LRP1: variants seen among roughly 807,000 people sequenced by gnomAD.
LRP1 encodes LDL receptor related protein 1, also known as prolow-density lipoprotein receptor-related protein 1.
In LRP1, 51 loss-of-function variants were observed where a neutral mutation model predicts 541.5. The ratio of observed to expected loss-of-function variants is 0.09; its 90% CI spans 0.08 to 0.12. LRP1 has a LOEUF of 0.12. Among genes scored for constraint, LRP1 ranks in the 10% least tolerant of loss-of-function variants. LRP1 has a pLI of 1.00. For missense variants in LRP1, 3,878 were observed against 6,376.2 expected, an observed-to-expected ratio of 0.61 and a Z score of 13.34; for synonymous variants, 2,219 against 2,470.8, an observed-to-expected ratio of 0.90 and a Z score of 3.02.
At position 57,200,002 on chromosome 12, in the gene LRP1, G is replaced by A; in HGVS notation, c.9991G>A (p.Val3331Met). Residue 3331 changes from valine to methionine, a missense_variant, in exon 62 of 89, where the codon GTG becomes ATG. Around this residue, in one of 13 missense-constraint regions of LRP1, gnomAD observed 278 missense variants for 536.3 expected, o/e 0.52. Coordinates refer to ENST00000243077, the MANE Select transcript of LRP1 (RefSeq NM_002332.3). ...FYLGSDGRTC[V>M]SNCTASQFVC... is the part of the protein sequence containing the mutation. ...CCTGGGCAGCGATGGGCGCACCTGTGTGTCCAACTGCACGGCTAGCCAGGT... is the reference window on the plus strand; with the variant it reads ...CCTGGGCAGCGATGGGCGCACCTGTATGTCCAACTGCACGGCTAGCCAGGT... 6.3e-7 allele frequency: 1 copy of A among 1,595,246 alleles called. No homozygotes were observed. The highest frequency in any genetic ancestry group is 8.5e-7 in the Non-Finnish European group (1 of 1,174,400).
chr12:57,137,109 C>G (rs536790042), intron 1 of LRP1, among the ~76,000 whole-genome samples: 1 of 151,888 alleles, frequency 6.6e-6, no homozygotes. Context: ...TGCGTGGTGG[C>G]GCATGCCTGT....
chr12:57,140,504 G>C (rs1262023932), intron 2 of LRP1, among the ~76,000 whole-genome samples: 1 of 152,122 alleles, frequency 6.6e-6, no homozygotes, highest in Non-Finnish European at 1.5e-5. Flanking sequence ...CTGACATTAA[G>C]TCATCAAAAT....
At position 57,185,706 on chromosome 12, in the gene LRP1, C is replaced by T. The variant is rs757881461; in HGVS notation, c.6639C>T (p.His2213=). ...AGCGCACCATTCTCAAGAGTATCCA[C>T]CTGTCGGATGAGCGCAACCTCAATG... ...YSERTILKSI[H]LSDERNLNAP... is the part of the protein sequence containing the mutation. The change falls in exon 41 of 89, where the codon CAC becomes CAT. Residue 2213 remains histidine, a synonymous_variant. Transcript: ENST00000243077. This position sits in a 1 kb window ranked among gnomAD's most constrained non-coding sequence, Gnocchi z 4.9. The T allele has an allele frequency of 1.5e-5, 24 of 1,614,070 alleles. No homozygotes were observed. Among genetic ancestry groups the T allele is most frequent in the Non-Finnish European group, 1.9e-5 (23 of 1,180,032 alleles).
At position 57,162,347 on chromosome 12, in the gene LRP1, G is replaced by C. The variant is rs1450617228; in HGVS notation, c.2233G>C (p.Ala745Pro). The change falls in exon 14 of 89, where the codon GCC (alanine) becomes CCC (proline). Residue 745 changes from alanine (A) to proline (P), a missense_variant. By Grantham distance (27) the Ala-to-Pro change is conservative. Transcript: ENST00000243077. The surrounding 1 kb of genome is among the most constrained non-coding windows in gnomAD (Gnocchi z 5.2). ...IVYEGPELNHAFGLCHHGNYL... is the reference protein window; with the variant it reads ...IVYEGPELNHPFGLCHHGNYL... ...GTATGAAGGTCCTGAGCTGAACCAC[G>C]CCTTTGGCCTGTGTCACCATGGCAA... 2 of 1,613,984 alleles carry C rather than the reference G, an allele frequency of 1.2e-6. No individual in the cohort carries two copies. Among genetic ancestry groups the C allele is most frequent in the Non-Finnish European group, 1.7e-6 (2 of 1,180,016 alleles).
chr12:57,171,940 C>A (rs1026189518), intron 20 of LRP1, among the ~76,000 whole-genome samples: 1 of 152,138 alleles, frequency 6.6e-6, no homozygotes, highest in Non-Finnish European at 1.5e-5. Flanking sequence ...CTCCCTGCAC[C>A]CTTGGAACAA....
chr12:57,182,673 G>A (rs534526544), intron 34 of LRP1, among the ~76,000 whole-genome samples: 14 of 151,964 alleles, frequency 9.2e-5, no homozygotes, highest in South Asian at 2.1e-4. Context: ...AAAATTAGCC[G>A]GGCATGGTGG....
intron 67 of LRP1, among the ~76,000 whole-genome samples, chr12:57,202,200 T>C (rs1158009754): frequency 6.6e-6 from 1 of 151,936 alleles, no homozygotes; most frequent in Non-Finnish European, 1.5e-5. Context: ...TTCATCTCCT[T>C]CCCAAGGCAG....
intron 18 of LRP1, among the ~76,000 whole-genome samples, 155 bp downstream of exon 18, chr12:57,167,201 A>T (rs1273051306): frequency 2.0e-5 from 3 of 152,124 alleles, no homozygotes; most frequent in Non-Finnish European, 4.4e-5. Context: ...GAGCCCCATC[A>T]TCACAGCATT....
intron 18 of LRP1, 24 bp from the exon 19 acceptor site, chr12:57,167,420 T>G: frequency 6.4e-7 from 1 of 1,565,460 alleles, no homozygotes; most frequent in South Asian, 1.1e-5. Flanking sequence ...AAGGCCCTAC[T>G]CAGCTACTCT....
In LRP1 at chr12:57,186,269, G is replaced by A. The variant is rs188830999; in HGVS notation, c.6841+361G>A. Reference sequence around the variant, plus strand: ...TTGCCAAGCCTGAGCCTTCTCATCTGCGTGGATGAGTGTCTCATCTGAGAC... The same window carrying A: ...TTGCCAAGCCTGAGCCTTCTCATCTACGTGGATGAGTGTCTCATCTGAGAC... On this transcript the variant is annotated intron_variant, in intron 41 of 88. Coordinates refer to ENST00000243077, the MANE Select transcript of LRP1 (RefSeq NM_002332.3). Among the ~76,000 whole-genome samples, 5 of 152,310 alleles carry A rather than the reference G, an allele frequency of 3.3e-5. No homozygotes were observed. The East Asian group carries it at 7.7e-4, about 24-fold the overall frequency.
rs1459664697 is a variant in LRP1 at position 57,213,311 on chromosome 12, T to C, written c.*756T>C. The C allele has an allele frequency of 2.1e-5, 1 of 48,086 alleles. No homozygotes were observed. The highest frequency in any genetic ancestry group is 8.7e-5 in the African/African-American group (1 of 11,498). The allele number at this position is 48,086 out of a possible 1,614,324, so 3.0% of individuals were successfully genotyped here. A position where few individuals can be genotyped will look rare whatever the true frequency, so the allele number is the denominator to read the frequency against. ...TTTGCTGAATTCCTTTACAACTAAA[T>C]AACACAGATATTGTTATAAATAAAA... is the stretch of plus-strand genomic sequence containing the variant. On this transcript the variant is annotated 3_prime_UTR_variant, in exon 89 of 89. Coordinates refer to ENST00000243077, the MANE Select transcript of LRP1 (RefSeq NM_002332.3).
chr12:57,204,573 A>G lies in LRP1; in HGVS notation c.11071+44A>G. ...CTCCCAGGCTTCCCAGTGGCCAGCA[A>G]CCACCCCCACTCCCAAGACTAATTC... On this transcript the variant is annotated intron_variant, in intron 71 of 88. Coordinates refer to ENST00000243077, the MANE Select transcript of LRP1 (RefSeq NM_002332.3). This position sits in a 1 kb window ranked among gnomAD's most constrained non-coding sequence, Gnocchi z 5.3. 7 of 1,608,404 alleles carry G rather than the reference A, an allele frequency of 4.4e-6. No individual in the cohort carries two copies. Among genetic ancestry groups the G allele is most frequent in the Non-Finnish European group, 6.0e-6 (7 of 1,175,786 alleles).
chr12:57,169,078 T>C, intron 19 of LRP1, 62 bp from the exon 20 acceptor site: 1 of 1,493,952 alleles, frequency 6.7e-7, no homozygotes, highest in South Asian at 1.2e-5. Context: ...CAAGCTGGGA[T>C]CACAGAGAAG....
At position 57,194,611 on chromosome 12, in the gene LRP1, C is replaced by T. The variant is rs368477109; in HGVS notation, c.8103C>T (p.Phe2701=). 23 of 1,611,942 alleles carry T rather than the reference C, an allele frequency of 1.4e-5. No homozygotes were observed. The highest frequency in any genetic ancestry group is 4.0e-5 in the African/African-American group (3 of 75,024). The change falls in exon 50 of 89, where the codon TTC becomes TTT. Residue 2701 remains phenylalanine (F), a synonymous_variant. Coordinates refer to ENST00000243077, the MANE Select transcript of LRP1 (RefSeq NM_002332.3). ...VKRPRCPLNY[F]ACPSGRCIPM... is the part of the protein sequence containing the mutation. ...GCCCCAGATGCCCTCTGAATTACTT[C>T]GCCTGCCCTAGTGGGCGCTGCATCC...
Position 57,193,177 on chromosome 12 carries a change from G to A in LRP1, c.7557G>A (p.Ala2519=), listed in dbSNP as rs36011472. The A allele has an allele frequency of 1.7e-4, 278 of 1,613,898 alleles. No homozygotes were observed. The highest frequency in any genetic ancestry group is 2.1e-4 in the Non-Finnish European group (253 of 1,179,866). ...RILQDDLTCR[A]VNSSCRAQDE... ...AGCTCCCTCCACCTCCCTCCCCAGC[G>A]GTGAATTCCTCTTGCCGAGCACAAG... Residue 2519 remains alanine (A), a splice_region_variant and synonymous_variant, in exon 46 of 89, where the codon GCG becomes GCA. Transcript: ENST00000243077.
chr12:57,179,659 C>T lies in LRP1; in HGVS notation c.4966+103C>T, dbSNP rs538993880. The T allele has an allele frequency of 1.4e-6, 2 of 1,404,072 alleles. No individual in the cohort carries two copies. The highest frequency in any genetic ancestry group is 2.5e-5 in the South Asian group (2 of 81,326). 87.0% of individuals were successfully genotyped at this position (1,404,072 alleles called of 1,614,324 possible). ...GGTCCGAGTGGTCCTTCTCCCAGTC[C>T]TGTTCCCCCTCAGTGCTCCAGCCTG... On this transcript the variant is annotated intron_variant, in intron 29 of 88. Transcript: ENST00000243077. This position sits in a 1 kb window ranked among gnomAD's most constrained non-coding sequence, Gnocchi z 6.8.
At chr12:57,210,685 CCA>C in intron 82 of LRP1, 31 bp from the exon 83 acceptor site, 1 of 1,589,872 alleles carries the variant, frequency 6.3e-7, no homozygotes, top group South Asian at 1.1e-5. Flanking sequence ...GTCTCGAGGG[CCA>C]CAGTCGCGCT....
Position 57,197,178 on chromosome 12 carries a change from C to A in LRP1, c.9076+13C>A, listed in dbSNP as rs754533321. On this transcript the variant is annotated intron_variant, in intron 56 of 88. Transcript: ENST00000243077. This position sits in a 1 kb window ranked among gnomAD's most constrained non-coding sequence, Gnocchi z 4.5. ...AAGGCTGTGACTGGTGAGATGCGCG[C>A]TTGGAGGGCATGAGGTGACCCAGGC... The A allele has an allele frequency of 4.0e-5, 64 of 1,613,790 alleles. No homozygotes were observed. Among genetic ancestry groups the A allele is most frequent in the Non-Finnish European group, 5.3e-5 (63 of 1,180,014 alleles).
chr12:57,180,913 G>A (rs2036152128), intron 33 of LRP1, 106 bp downstream of exon 33: 1 of 1,453,516 alleles, frequency 6.9e-7, no homozygotes, highest in African/African-American at 1.4e-5. Context: ...GGGTTAGGCT[G>A]TACCCACCAC....
Sources: gnomAD v4.1 joint callset for allele counts (sites outside exome capture counted in the v4.1 genomes callset) on GRCh38, gnomAD v4.1.1 for gene constraint, gnomAD v4.1.1 regional missense constraint, Gnocchi (gnomAD v3.1) non-coding constraint, MANE v1.5 for transcripts, NCBI Gene and HGNC (gene_info 2026-07-23, HGNC 2026-07-21) for gene names.